CMSS1: variants seen among roughly 807,000 people sequenced by gnomAD.
CMSS1 encodes cms1 ribosomal small subunit homolog, also known as protein CMSS1.
In CMSS1, 33 loss-of-function variants were observed where a neutral mutation model predicts 43.5. That is an observed-to-expected ratio of 0.76 (90% CI 0.57 to 1.01). The LOEUF is 1.01. CMSS1 is among the 50% of genes least tolerant of loss of function. CMSS1 has a pLI of 0.00. For synonymous variants in CMSS1, 115 were observed against 117.2 expected (o/e 0.98, Z 0.12); for missense variants, 313 against 326.4 (o/e 0.96, Z 0.32).
intron 1 of CMSS1, chr3:100,041,307 G>A (rs1274067791): frequency 6.6e-6 from 1 of 152,082 alleles, no homozygotes; most frequent in Admixed American, 6.6e-5. Flanking sequence ...GCAAAATTAT[G>A]ATGGAAACTC....
chr3:99,871,222 G>GC (rs1312223314), intron 1 of CMSS1, among the ~76,000 whole-genome samples: 2 of 152,126 alleles, frequency 1.3e-5, no homozygotes, highest in African/African-American at 2.4e-5. Context: ...CCATATGGTT[G>GC]CTTTAAGTAG....
At chr3:99,830,489 T>C (rs1286094365) in intron 1 of CMSS1, 4 of 456,584 alleles carry the variant, frequency 8.8e-6, no homozygotes, top group Admixed American at 4.7e-5. Flanking sequence ...CACAGCCATT[T>C]TGGTAAATAG....
chr3:99,862,890 A>G (rs1472908955), intron 1 of CMSS1, among the ~76,000 whole-genome samples: 1 of 152,196 alleles, frequency 6.6e-6, no homozygotes, highest in Non-Finnish European at 1.5e-5. Flanking sequence ...TGAATGTCCA[A>G]TATCCAATGA....
intron 1 of CMSS1, among the ~76,000 whole-genome samples, chr3:100,020,745 G>A (rs902830826): frequency 2.9e-4 from 40 of 139,056 alleles, no homozygotes; most frequent in African/African-American, 9.9e-4. Flanking sequence ...TTTTTAGAAA[G>A]TAATGAATAA....
chr3:100,030,688 C>A (rs2065008918), intron 1 of CMSS1, among the ~76,000 whole-genome samples: 1 of 152,136 alleles, frequency 6.6e-6, no homozygotes, highest in African/African-American at 2.4e-5. Context: ...AAACCAGTAT[C>A]CAATAACTGC....
intron 1 of CMSS1, among the ~76,000 whole-genome samples, chr3:100,121,050 C>A (rs1402856029): frequency 6.6e-6 from 1 of 152,146 alleles, no homozygotes; most frequent in Non-Finnish European, 1.5e-5. Flanking sequence ...CTTAGATAAA[C>A]CACTTACGTC....
intron 1 of CMSS1, among the ~76,000 whole-genome samples, chr3:100,003,603 G>C (rs1339119883): frequency 6.6e-6 from 1 of 152,130 alleles, no homozygotes; most frequent in Non-Finnish European, 1.5e-5. Context: ...ACTAAGTACA[G>C]TGTTTTTTCC....
At chr3:100,082,464 G>T (rs1010533190) in intron 1 of CMSS1, among the ~76,000 whole-genome samples, 2 of 152,104 alleles carry the variant, frequency 1.3e-5, no homozygotes, top group Admixed American at 6.5e-5. Context: ...GTTAGTTAAT[G>T]GTTTCTATTT....
At chr3:99,930,226 T>G (rs1172542487) in intron 1 of CMSS1, among the ~76,000 whole-genome samples, 1 of 152,240 alleles carries the variant, frequency 6.6e-6, no homozygotes, top group Non-Finnish European at 1.5e-5. Context: ...AATTAATGTT[T>G]TAAAAAGTGA....
At chr3:99,850,154 T>G (rs377741220) in intron 1 of CMSS1, 1 of 1,610,954 alleles carries the variant, frequency 6.2e-7, no homozygotes, top group Non-Finnish European at 8.5e-7. Context: ...AATTTTTCAC[T>G]CATTGTTTTC....
At chr3:100,133,443 T>G (rs925324716) in intron 1 of CMSS1, among the ~76,000 whole-genome samples, 2 of 151,248 alleles carry the variant, frequency 1.3e-5, no homozygotes, top group African/African-American at 4.9e-5. Flanking sequence ...CTTTTTATAG[T>G]GGAACCAAAT....
intron 1 of CMSS1, among the ~76,000 whole-genome samples, chr3:100,026,493 T>C (rs371862245): frequency 2.6e-5 from 4 of 152,158 alleles, no homozygotes; most frequent in Non-Finnish European, 4.4e-5. Flanking sequence ...AATGCAGTTA[T>C]GTAGTTGACC....
intron 1 of CMSS1, among the ~76,000 whole-genome samples, chr3:100,079,384 G>A (rs182604684): frequency 2.0e-5 from 3 of 152,252 alleles, no homozygotes; most frequent in South Asian, 2.1e-4. Flanking sequence ...CCATATAGTT[G>A]CTTAGTAAAT....
intron 1 of CMSS1, among the ~76,000 whole-genome samples, chr3:99,961,603 AT>A (rs1362536762): frequency 6.6e-6 from 1 of 152,078 alleles, no homozygotes; most frequent in Non-Finnish European, 1.5e-5. Flanking sequence ...TTGCCATATT[AT>A]TTTGGGGAGC....
chr3:99,820,828 A>C (rs1942422010), intron 1 of CMSS1, among the ~76,000 whole-genome samples: 1 of 152,234 alleles, frequency 6.6e-6, no homozygotes, highest in South Asian at 2.1e-4. Context: ...AAGTATGTGA[A>C]TTATGTTTTG....
At chr3:100,162,454 C>T (rs774264157) in intron 4 of CMSS1, 22 bp downstream of exon 4, 1 of 1,601,142 alleles carries the variant, frequency 6.2e-7, no homozygotes, top group South Asian at 1.1e-5. Flanking sequence ...CTTCAATTTT[C>T]CTAAAGACAA....
At chr3:100,103,959 G>A (rs866880450) in intron 1 of CMSS1, among the ~76,000 whole-genome samples, 3 of 152,272 alleles carry the variant, frequency 2.0e-5, no homozygotes, top group African/African-American at 7.2e-5. Context: ...GTTTAATCAG[G>A]CGCATTAACT....
At chr3:99,825,685 A>AAGGCCTAT (rs763576751) in intron 1 of CMSS1, among the ~76,000 whole-genome samples, 13 of 152,218 alleles carry the variant, frequency 8.5e-5, no homozygotes, top group Non-Finnish European at 1.5e-4. Flanking sequence ...ATAAATGTGG[A>AAGGCCTAT]AGGCCTATAC....
chr3:99,973,916 T>C (rs1708894837), intron 1 of CMSS1, among the ~76,000 whole-genome samples: 1 of 152,238 alleles, frequency 6.6e-6, no homozygotes, highest in South Asian at 2.1e-4. Flanking sequence ...AAATAACTTT[T>C]CAAAGATCTT....
Sources: allele counts gnomAD v4.1 joint callset (sites outside exome capture counted in the v4.1 genomes callset), GRCh38; gene constraint gnomAD v4.1.1; transcripts MANE v1.5; gene names NCBI Gene and HGNC (gene_info 2026-07-23, HGNC 2026-07-21).